The following IFNAR1 variants were observed in gnomAD, a reference collection of about 807,000 sequenced individuals.
The protein encoded by IFNAR1 is interferon alpha and beta receptor subunit 1.
Under a neutral mutation model 62.1 loss-of-function variants are expected in IFNAR1, and 47 were observed. The observed-to-expected ratio is 0.76, with a 90% CI of 0.60 to 0.97. The LOEUF (loss-of-function observed/expected upper bound fraction) is 0.97. IFNAR1 is among the 50% of genes least tolerant of loss of function. IFNAR1 has a pLI of 0.00. For missense variants in IFNAR1, 638 were observed against 654.5 expected, an observed-to-expected ratio of 0.97 and a Z score of 0.27; for synonymous variants, 219 against 226.9, an observed-to-expected ratio of 0.97 and a Z score of 0.31.
intron 1 of IFNAR1, among the ~76,000 whole-genome samples, chr21:33,329,392 G>A (rs1434171563): frequency 6.6e-6 from 1 of 152,040 alleles, no homozygotes; most frequent in African/African-American, 2.4e-5. Context: ...ATTCTATTCA[G>A]GGATGAAGTT....
chr21:33,351,360 T>G (rs1022503990), intron 8 of IFNAR1, among the ~76,000 whole-genome samples: 15 of 151,974 alleles, frequency 9.9e-5, no homozygotes, highest in African/African-American at 3.4e-4. Flanking sequence ...AGGAATAAAA[T>G]GTATTCCACA....
chr21:33,349,934 A>G (rs2083384894), intron 8 of IFNAR1, among the ~76,000 whole-genome samples: 1 of 151,824 alleles, frequency 6.6e-6, no homozygotes, highest in Non-Finnish European at 1.5e-5. Context: ...AAAAAAAAAA[A>G]TGTGATTAAC....
intron 1 of IFNAR1, among the ~76,000 whole-genome samples, chr21:33,327,271 T>G (rs2083135225): frequency 6.6e-6 from 1 of 152,222 alleles, no homozygotes; most frequent in Admixed American, 6.5e-5. Context: ...GGGTGTGCAT[T>G]AAGAAATTAA....
At chr21:33,352,963 T>G (rs575821732) in intron 9 of IFNAR1, 55 bp downstream of exon 9, 1 of 1,272,460 alleles carries the variant, frequency 7.9e-7, no homozygotes, top group East Asian at 2.4e-5. Flanking sequence ...ATAAAAGTAA[T>G]TCTATACTGT....
rs528616946 is a variant in IFNAR1, at chr21:33,339,422, G to A, written c.201-1577G>A. Among the ~76,000 whole-genome samples, 6 of 152,176 alleles carry A rather than the reference G, an allele frequency of 3.9e-5. No homozygotes were observed. In the East Asian group the frequency reaches 1.2e-3, roughly 29 times the overall value. On this transcript the variant is annotated intron_variant, in intron 2 of 10. Coordinates refer to ENST00000270139, the MANE Select transcript of IFNAR1 (RefSeq NM_000629.3). ...AAAATGTTTCCATTTTGAAAAACAA[G>A]GTAGACTTGTATTTGGTTCAGCAAC...
chr21:33,346,457 A>G (rs2083347836), intron 6 of IFNAR1, among the ~76,000 whole-genome samples: 1 of 152,240 alleles, frequency 6.6e-6, no homozygotes, highest in South Asian at 2.1e-4. Flanking sequence ...TGTGCCCCAC[A>G]ATGCATATAT....
At chr21:33,324,905 G>A (rs967221608), upstream of IFNAR1, 5 of 654,994 alleles carry the variant, frequency 7.6e-6, no homozygotes, top group Non-Finnish European at 1.3e-5. Flanking sequence ...GTGTGTGTCA[G>A]AAGAGGCGGC....
intron 1 of IFNAR1, among the ~76,000 whole-genome samples, chr21:33,331,076 A>G (rs1394940748): frequency 6.6e-6 from 1 of 152,112 alleles, no homozygotes; most frequent in African/African-American, 2.4e-5. Flanking sequence ...CTTTCATCTG[A>G]ACCACGCCAG....
rs2083453428 is a variant in IFNAR1, at chr21:33,356,862, C to T, written c.*1313C>T. The T allele has an allele frequency of 6.6e-6, 1 of 152,158 alleles. No individual in the cohort carries two copies. Among genetic ancestry groups the T allele is most frequent in the Admixed American group, 6.5e-5 (1 of 15,286 alleles). 9.4% of individuals were successfully genotyped at this position (152,158 alleles called of 1,614,324 possible). On this transcript the variant is annotated 3_prime_UTR_variant, in exon 11 of 11. Coordinates refer to ENST00000270139, the MANE Select transcript of IFNAR1 (RefSeq NM_000629.3). ...TGGAAGCCTGAGCACCTAATCAGCT[C>T]TCAGTGATCAACCCACTCTTGTTAT...
At chr21:33,344,482 C>T (rs1191397943) in intron 5 of IFNAR1, among the ~76,000 whole-genome samples, 2 of 151,544 alleles carry the variant, frequency 1.3e-5, no homozygotes, top group South Asian at 2.1e-4. Flanking sequence ...AAAGTGAAGT[C>T]TTCTTCTCCC....
chr21:33,339,882 T>C (rs1437456765), intron 2 of IFNAR1, among the ~76,000 whole-genome samples: 2 of 144,292 alleles, frequency 1.4e-5, no homozygotes, highest in Admixed American at 7.3e-5. Context: ...GGGCCGAGAT[T>C]GCACCACTGC....
At chr21:33,339,553 A>T (rs1001699840) in intron 2 of IFNAR1, among the ~76,000 whole-genome samples, 8 of 152,186 alleles carry the variant, frequency 5.3e-5, no homozygotes, top group African/African-American at 1.9e-4. Context: ...ATTAGGCTTG[A>T]CAAAAATGCC....
At chr21:33,350,156 T>C (rs780204419) in intron 8 of IFNAR1, among the ~76,000 whole-genome samples, 1 of 151,018 alleles carries the variant, frequency 6.6e-6, no homozygotes, top group Non-Finnish European at 1.5e-5. Context: ...CTCAGCACTA[T>C]TGACGTTTGG....
intron 6 of IFNAR1, among the ~76,000 whole-genome samples, chr21:33,347,294 T>G (rs2083357850): frequency 6.6e-6 from 1 of 152,094 alleles, no homozygotes; most frequent in South Asian, 2.1e-4. Flanking sequence ...CACACCCAGC[T>G]AATTTTTGTA....
chr21:33,330,712 A>G (rs1398393757), intron 1 of IFNAR1, among the ~76,000 whole-genome samples: 4 of 152,212 alleles, frequency 2.6e-5, no homozygotes. Flanking sequence ...CAGAAATCCT[A>G]GTGAGCAGAG....
At chr21:33,352,952 A>T in intron 9 of IFNAR1, 44 bp downstream of exon 9, 1 of 1,415,580 alleles carries the variant, frequency 7.1e-7, no homozygotes. Flanking sequence ...AGCTAGACAT[A>T]ATAAAAGTAA....
chr21:33,336,990 G>A (rs187948012), intron 2 of IFNAR1, among the ~76,000 whole-genome samples: 1 of 152,068 alleles, frequency 6.6e-6, no homozygotes, highest in Admixed American at 6.6e-5. Context: ...ACCTCAGGTG[G>A]TCTGCTCACC....
At chr21:33,339,567 C>T (rs1031489646) in intron 2 of IFNAR1, among the ~76,000 whole-genome samples, 6 of 151,984 alleles carry the variant, frequency 3.9e-5, no homozygotes, top group African/African-American at 1.2e-4. Context: ...AAATGCCTTC[C>T]CAGAAGATAG....
Position 33,334,469 on chromosome 21 carries a change from A to G in IFNAR1, c.77-1055A>G, listed in dbSNP as rs369806194. The G allele has an allele frequency of 1.1e-4, 36 of 337,286 alleles. 1 individual carries two copies. The highest frequency in any genetic ancestry group is 2.0e-3 in the Middle Eastern group (2 of 1,000). 20.9% of individuals were successfully genotyped at this position (337,286 alleles called of 1,614,324 possible). On this transcript the variant is annotated intron_variant, in intron 1 of 10. Transcript: ENST00000270139. ...AAAACCAAAAAACTCAAAACCCTGT[A>G]TATGGCAAAATTGCCCTTCAAAAGC...
Sources: allele counts gnomAD v4.1 joint callset (sites outside exome capture counted in the v4.1 genomes callset), GRCh38; gene constraint gnomAD v4.1.1; transcripts MANE v1.5; gene names NCBI Gene and HGNC (gene_info 2026-07-23, HGNC 2026-07-21).